The following ERMP1 variants were observed in gnomAD, a reference collection of about 807,000 sequenced individuals.
The protein encoded by ERMP1 is endoplasmic reticulum metallopeptidase 1.
Under a neutral mutation model 92.0 loss-of-function variants are expected in ERMP1, and 86 were observed. The ratio of observed to expected loss-of-function variants is 0.93; its 90% CI spans 0.79 to 1.12. The LOEUF is 1.12. Ranked by LOEUF, ERMP1 falls within the 50% of genes most tolerant of loss-of-function variation. The pLI is 0.00. For synonymous variants in ERMP1, 530 were observed against 412.8 expected (o/e 1.28, Z -3.44); for missense variants, 1,342 against 1,116.3 (o/e 1.20, Z -2.88).
Position 5,812,823 on chromosome 9 carries a change from C to T in ERMP1, c.1021+66G>A, listed in dbSNP as rs1368828573. ...AAAATGCTGTTTACTCACATACTTTCAAGATTTAAAATTTGCTTTTGATAA... is the reference window on the plus strand; with the variant it reads ...AAAATGCTGTTTACTCACATACTTTTAAGATTTAAAATTTGCTTTTGATAA... On this transcript the variant is annotated intron_variant, in intron 5 of 14. Coordinates refer to ENST00000339450, the MANE Select transcript of ERMP1 (RefSeq NM_024896.3). 4 of 1,566,694 alleles carry T rather than the reference C, an allele frequency of 2.6e-6. No individual in the cohort carries two copies. The Admixed American group carries it at 6.7e-5, about 26-fold the overall frequency.
chr9:5,785,957 C>G lies in ERMP1; in HGVS notation c.*1187G>C, dbSNP rs1467410618. ...AGAGGTACTGCTGTGATACACCTTA[C>G]AAGCTACATAGCCATCTTCAAAATG... On this transcript the variant is annotated 3_prime_UTR_variant, in exon 15 of 15. Transcript: ENST00000339450. 6.6e-6 allele frequency: 1 copy of G among 152,256 alleles called. No individual in the cohort carries two copies. Among genetic ancestry groups the G allele is most frequent in the Non-Finnish European group, 1.5e-5 (1 of 68,078 alleles). The allele number at this position is 152,256 out of a possible 1,614,324, so 9.4% of individuals were successfully genotyped here.
chr9:5,791,597 TTTGCTCA>T lies in ERMP1; in HGVS notation c.2387-4011_2387-4005del, dbSNP rs374793466. 5.7e-3 allele frequency among the ~76,000 whole-genome samples: 871 copies of T among 152,260 alleles called. 9 individuals carry two copies. Among genetic ancestry groups the T allele is most frequent in the African/African-American group, 0.019 (791 of 41,556 alleles). On this transcript the variant is annotated intron_variant, in intron 13 of 14. Transcript: ENST00000339450. ...ATTAGAAAGGGAGAGACCATCCTGG[TTTGCTCA>T]CTTTTTAAAACACCTCACAAGCAAA... is the stretch of plus-strand genomic sequence containing the variant.
chr9:5,862,910 G>A (rs1399733166), intron 5 of ERMP1, among the ~76,000 whole-genome samples: 1 of 152,170 alleles, frequency 6.6e-6, no homozygotes, highest in African/African-American at 2.4e-5. Flanking sequence ...AGAATCCAAT[G>A]GTCTCCCTTA....
intron 13 of ERMP1, among the ~76,000 whole-genome samples, chr9:5,797,468 T>A (rs974022426): frequency 5.3e-5 from 8 of 151,922 alleles, no homozygotes; most frequent in South Asian, 4.2e-4. Context: ...ACCAACATGG[T>A]GAAACCCTGT....
At chr9:5,789,108 G>A (rs949526708) in intron 13 of ERMP1, among the ~76,000 whole-genome samples, 1 of 152,014 alleles carries the variant, frequency 6.6e-6, no homozygotes, top group Non-Finnish European at 1.5e-5. Context: ...ATTTAAAACT[G>A]TAATCCAAGA....
upstream of ERMP1, among the ~76,000 whole-genome samples, chr9:5,833,999 C>T (rs1015980810): frequency 2.0e-5 from 3 of 152,206 alleles, no homozygotes; most frequent in Admixed American, 2.0e-4. Flanking sequence ...TTAGCATGAG[C>T]ATTAACCTAG....
chr9:5,819,815 A>T (rs1477471339), intron 4 of ERMP1, among the ~76,000 whole-genome samples: 1 of 152,188 alleles, frequency 6.6e-6, no homozygotes, highest in Admixed American at 6.5e-5. Flanking sequence ...AAATGTCTAC[A>T]GCAGGAAAAT....
intron 2 of ERMP1, among the ~76,000 whole-genome samples, chr9:5,827,034 T>C (rs572876379): frequency 6.6e-6 from 1 of 152,240 alleles, no homozygotes; most frequent in African/African-American, 2.4e-5. Context: ...AACCTTGAAA[T>C]TGAAGCCACC....
At chr9:5,831,060 G>C (rs1326618629) in intron 1 of ERMP1, 32 bp from the exon 2 acceptor site, 1 of 1,576,206 alleles carries the variant, frequency 6.3e-7, no homozygotes, top group East Asian at 2.3e-5. Flanking sequence ...ACAAAGGTTT[G>C]TAGTTAAAAT....
In ERMP1 at chr9:5,833,007, C is replaced by G; in HGVS notation, c.21G>C (p.Ser7=). 1 of 1,551,940 alleles carries G rather than the reference C, an allele frequency of 6.4e-7. No homozygotes were observed. ...CGACGCGGTGCCGCCTCACAGCAGC[C>G]GACTCAGAACCCCACTCCATGGCCA... The part of the protein sequence containing the change: MEWGSE[S]AAVRRHRVGV... Residue 7 remains serine, a synonymous_variant, in exon 1 of 15, where the codon TCG becomes TCC. Transcript: ENST00000339450.
At chr9:5,824,178 C>G (rs554086190) in intron 3 of ERMP1, among the ~76,000 whole-genome samples, 177 bp from the exon 4 acceptor site, 1 of 152,298 alleles carries the variant, frequency 6.6e-6, no homozygotes, top group South Asian at 2.1e-4. Context: ...GCATAATGGC[C>G]ATGCACATCA....
chr9:5,813,177 T>C, intron 4 of ERMP1, 142 bp from the exon 5 acceptor site: 2 of 753,456 alleles, frequency 2.7e-6, no homozygotes, highest in Non-Finnish European at 4.3e-6. Flanking sequence ...CCTTTTTCTG[T>C]AGTTTCCAAT....
intron 2 of ERMP1, among the ~76,000 whole-genome samples, chr9:5,827,127 A>G (rs1438044881): frequency 2.6e-5 from 4 of 152,218 alleles, no homozygotes; most frequent in Admixed American, 1.3e-4. Flanking sequence ...TTTTCTGTGG[A>G]TAACATTACT....
intron 13 of ERMP1, among the ~76,000 whole-genome samples, chr9:5,796,732 G>C (rs1828439237): frequency 6.6e-6 from 1 of 152,162 alleles, no homozygotes; most frequent in Non-Finnish European, 1.5e-5. Flanking sequence ...GAAGAAAAGA[G>C]AGATAAATAG....
At chr9:5,787,698 T>C (rs2131193187) in intron 13 of ERMP1, 105 bp from the exon 14 acceptor site, 3 of 1,108,404 alleles carry the variant, frequency 2.7e-6, no homozygotes, top group East Asian at 2.4e-5. Flanking sequence ...TGCATGACTT[T>C]AAATATACTT....
At chr9:5,798,688 T>C (rs1182664633) in intron 12 of ERMP1, 118 bp downstream of exon 12, 1 of 552,704 alleles carries the variant, frequency 1.8e-6, no homozygotes, top group East Asian at 3.2e-5. Context: ...ATAGAAAAAA[T>C]AGTACAAACA....
intron 6 of ERMP1, among the ~76,000 whole-genome samples, chr9:5,852,996 A>C (rs1249029314): frequency 6.6e-6 from 1 of 152,184 alleles, no homozygotes; most frequent in Admixed American, 6.5e-5. Context: ...AACTGGCAAA[A>C]GACAGATTAA....
At chr9:5,804,993 AT>A in intron 10 of ERMP1, 33 bp downstream of exon 10, 1 of 1,509,882 alleles carries the variant, frequency 6.6e-7, no homozygotes, top group Non-Finnish European at 9.0e-7. Context: ...CATATAAAAA[AT>A]GAAGAAAAAG....
chr9:5,796,119 A>G (rs1232322622), intron 13 of ERMP1, among the ~76,000 whole-genome samples: 1 of 152,230 alleles, frequency 6.6e-6, no homozygotes, highest in Non-Finnish European at 1.5e-5. Flanking sequence ...CATTATTGTT[A>G]AAATATCATT....
Sources: gnomAD v4.1 joint callset for allele counts (sites outside exome capture counted in the v4.1 genomes callset) on GRCh38, gnomAD v4.1.1 for gene constraint, MANE v1.5 for transcripts, NCBI Gene and HGNC (gene_info 2026-07-23, HGNC 2026-07-21) for gene names.